Variants in ANO2 observed in about 807,000 individuals in gnomAD.
ANO2 encodes the protein anoctamin-2.
ANO2 carries 101 observed loss-of-function variants against 124.2 expected under a neutral mutation model. That is an observed-to-expected ratio of 0.81 (90% confidence interval 0.69 to 0.96). The LOEUF is 0.96. Among genes scored for constraint, ANO2 ranks in the 40% least tolerant of loss-of-function variants. The pLI, the probability that ANO2 is intolerant of heterozygous loss-of-function variation, is 0.00. For missense variants in ANO2, 1,293 were observed against 1,274.5 expected (o/e 1.01, Z -0.22); for synonymous variants, 486 against 482.5 (o/e 1.01, Z -0.09).
chr12:5,836,119 C>T (rs920038751), intron 4 of ANO2, among the ~76,000 whole-genome samples: 18 of 152,220 alleles, frequency 1.2e-4, no homozygotes, highest in Non-Finnish European at 2.1e-4. Flanking sequence ...GTCTCCACCT[C>T]TGCTACCTAA....
intron 10 of ANO2, among the ~76,000 whole-genome samples, chr12:5,780,254 C>T (rs1952350308): frequency 6.6e-6 from 1 of 152,050 alleles, no homozygotes. Flanking sequence ...GTAAATGTGG[C>T]AGATGTGAAC....
chr12:5,633,957 G>A (rs993710049), intron 16 of ANO2, among the ~76,000 whole-genome samples: 10 of 151,986 alleles, frequency 6.6e-5, no homozygotes, highest in Admixed American at 5.2e-4. Context: ...TTATCTCTGG[G>A]CTCTCCAGTC....
At chr12:5,721,845 G>A (rs1047904995) in intron 14 of ANO2, among the ~76,000 whole-genome samples, 1 of 152,060 alleles carries the variant, frequency 6.6e-6, no homozygotes, top group Non-Finnish European at 1.5e-5. Context: ...AAACTTTCTT[G>A]GTTCACAGTA....
intron 14 of ANO2, among the ~76,000 whole-genome samples, chr12:5,692,622 T>G (rs1264277914): frequency 6.6e-6 from 1 of 152,134 alleles, no homozygotes; most frequent in Non-Finnish European, 1.5e-5. Context: ...CTGGCGGCAA[T>G]TCACAGTGCC....
chr12:5,939,633 A>G (rs1319553656), intron 1 of ANO2, among the ~76,000 whole-genome samples: 1 of 152,262 alleles, frequency 6.6e-6, no homozygotes, highest in Admixed American at 6.5e-5. Context: ...ATTTATTATT[A>G]TCCACACCGA....
chr12:5,788,429 A>C (rs1404010115), intron 10 of ANO2, among the ~76,000 whole-genome samples: 1 of 152,258 alleles, frequency 6.6e-6, no homozygotes, highest in Non-Finnish European at 1.5e-5. Context: ...AAATTATCTA[A>C]CTGCCCACCA....
At chr12:5,770,851 A>G (rs1327146961) in intron 10 of ANO2, among the ~76,000 whole-genome samples, 1 of 152,090 alleles carries the variant, frequency 6.6e-6, no homozygotes, top group Non-Finnish European at 1.5e-5. Flanking sequence ...CATTCCTCAG[A>G]CACACCACAC....
chr12:5,573,637 T>TA (rs1465740106), intron 23 of ANO2, among the ~76,000 whole-genome samples: 30 of 152,332 alleles, frequency 2.0e-4, no homozygotes, highest in African/African-American at 6.7e-4. Context: ...AGGCAGTGCA[T>TA]AGCCTGGCAG....
In ANO2 at chr12:5,921,145, A is replaced by G. The variant is rs372117855; in HGVS notation, c.429T>C (p.Ile143=). 19 of 1,613,856 alleles carry G rather than the reference A, an allele frequency of 1.2e-5. No individual in the cohort carries two copies. Among genetic ancestry groups the G allele is most frequent in the Admixed American group, 1.7e-5 (1 of 59,994 alleles). The part of the protein sequence containing the change: ...KEPHAGGPGD[I]ELGPLDALEE... ...CCAGGGCATCGAGCGGTCCCAGCTC[A>G]ATGTCACCTGGGCCCCCAGCATGAG... Residue 143 remains isoleucine, a synonymous_variant, in exon 3 of 25, where the codon ATT becomes ATC. Coordinates refer to ENST00000682330, the MANE Select transcript of ANO2 (RefSeq NM_001364791.2).
chr12:5,791,151 T>C (rs940666177), intron 10 of ANO2, among the ~76,000 whole-genome samples: 13 of 152,126 alleles, frequency 8.5e-5, no homozygotes, highest in Admixed American at 8.5e-4. Context: ...GCGTCTTACT[T>C]TGCACACAGT....
intron 14 of ANO2, among the ~76,000 whole-genome samples, chr12:5,649,417 C>A (rs1946803827): frequency 6.6e-6 from 1 of 152,170 alleles, no homozygotes. Flanking sequence ...ACAATGAGAA[C>A]AAGGTAACTA....
chr12:5,918,740 A>G (rs1265679057), intron 3 of ANO2, among the ~76,000 whole-genome samples: 1 of 152,136 alleles, frequency 6.6e-6, no homozygotes, highest in African/African-American at 2.4e-5. Context: ...CACCCAGCCA[A>G]CTTAAATCTT....
intron 14 of ANO2, among the ~76,000 whole-genome samples, chr12:5,682,368 T>C (rs1164084170): frequency 4.6e-5 from 7 of 152,170 alleles, no homozygotes; most frequent in Non-Finnish European, 8.8e-5. Context: ...TCTGTCTGTC[T>C]CTCTCTCCTA....
intron 3 of ANO2, among the ~76,000 whole-genome samples, chr12:5,896,352 A>C (rs1455679617): frequency 1.3e-5 from 2 of 152,236 alleles, no homozygotes; most frequent in Admixed American, 6.5e-5. Flanking sequence ...ACACATAAAG[A>C]TGTATTCATA....
chr12:5,852,435 T>C lies in ANO2; in HGVS notation c.633+1608A>G, dbSNP rs963712100. ...TTTGTAGCTAATATTAATGTTTGTG[T>C]TTGTTCATTGTTTAATAAGCATTTG... On this transcript the variant is annotated intron_variant, in intron 4 of 24. Coordinates refer to ENST00000682330, the MANE Select transcript of ANO2 (RefSeq NM_001364791.2). 8.5e-5 allele frequency among the ~76,000 whole-genome samples: 13 copies of C among 152,324 alleles called. 1 individual carries two copies. The East Asian group carries it at 2.1e-3, about 25-fold the overall frequency.
rs563913804 is a variant in ANO2, at chr12:5,599,590, G to A, written c.2127C>T (p.Thr709=). 92 of 1,613,590 alleles carry A rather than the reference G, an allele frequency of 5.7e-5. No individual in the cohort carries two copies. The highest frequency in any genetic ancestry group is 3.3e-4 in the Middle Eastern group (2 of 6,084). ...GGGCAGAGTCAGTTTCTCCAGCTTC[G>A]GTCTCATCTTTCAGCTTTCGAAATA... ...KKLFRKLKDE[T]EAGETDSAHS... is the part of the protein sequence containing the mutation. The change falls in exon 20 of 25, where the codon ACC becomes ACT. Residue 709 remains threonine, a synonymous_variant. Transcript: ENST00000682330.
chr12:5,580,749 T>A (rs1477544103), intron 20 of ANO2, among the ~76,000 whole-genome samples: 3 of 152,218 alleles, frequency 2.0e-5, no homozygotes, highest in Admixed American at 1.3e-4. Context: ...GCCCAACTGC[T>A]TTTGATTTGG....
chr12:5,869,570 G>A (rs1389672045), intron 3 of ANO2, among the ~76,000 whole-genome samples: 1 of 152,188 alleles, frequency 6.6e-6, no homozygotes, highest in Non-Finnish European at 1.5e-5. Context: ...CTTATCTCTA[G>A]GCCTCGGCCC....
chr12:5,623,061 A>G (rs1945206272), intron 16 of ANO2, among the ~76,000 whole-genome samples: 1 of 152,112 alleles, frequency 6.6e-6, no homozygotes, highest in Non-Finnish European at 1.5e-5. Flanking sequence ...GTGGGGTGAC[A>G]TCTGAGGTTC....
Sources: allele counts gnomAD v4.1 joint callset (sites outside exome capture counted in the v4.1 genomes callset), GRCh38; gene constraint gnomAD v4.1.1; transcripts MANE v1.5; gene names NCBI Gene and HGNC (gene_info 2026-07-23, HGNC 2026-07-21).